The following DMD variants were observed in gnomAD, a reference collection of about 807,000 sequenced individuals.
DMD encodes mutant dystrophin.
DMD carries 63 observed loss-of-function variants against 330.1 expected under a neutral mutation model. The observed-to-expected ratio is 0.19, with a 90% confidence interval of 0.16 to 0.24. DMD has a LOEUF of 0.24. Among genes scored for constraint, DMD ranks in the 10% least tolerant of loss-of-function variants. DMD has a pLI of 1.00. For synonymous variants in DMD, 1,223 were observed against 959.8 expected (o/e 1.27, Z -5.07); for missense variants, 3,344 against 2,684.1 (o/e 1.25, Z -5.43).
intron 16 of DMD, among the ~76,000 whole-genome samples, chrX:32,555,858 A>C (rs1449504812): frequency 8.9e-6 from 1 of 112,132 alleles, no homozygotes; most frequent in Non-Finnish European, 1.9e-5. Context: ...ACCCCAAACA[A>C]TAAAAACCTT....
chrX:32,552,787 A>C (rs757049934), intron 16 of DMD, among the ~76,000 whole-genome samples: 2 of 112,190 alleles, frequency 1.8e-5, no homozygotes, highest in Non-Finnish European at 3.8e-5. Context: ...AAAAAGACAT[A>C]CATACAGAAA....
chrX:31,558,486 G>T (rs1292903132), intron 55 of DMD, among the ~76,000 whole-genome samples: 1 of 111,403 alleles, frequency 9.0e-6, no homozygotes. Context: ...CCCAAGAGAT[G>T]TTGAGGCTTC....
chrX:32,449,700 G>A (rs182444617), intron 26 of DMD, among the ~76,000 whole-genome samples: 3 of 108,982 alleles, frequency 2.8e-5, no homozygotes, highest in East Asian at 2.9e-4. Flanking sequence ...GGTGGTCTTC[G>A]GTTGGGAGAC....
At chrX:32,741,208 T>A (rs971797228) in intron 7 of DMD, among the ~76,000 whole-genome samples, 3 of 111,488 alleles carry the variant, frequency 2.7e-5, no homozygotes, top group African/African-American at 9.8e-5. Context: ...CCACTAAATG[T>A]ACTTCCATTT....
chrX:32,255,706 G>A (rs1271398138), intron 43 of DMD, among the ~76,000 whole-genome samples: 1 of 112,294 alleles, frequency 8.9e-6, no homozygotes, highest in Non-Finnish European at 1.9e-5. Context: ...CATGGAAGTT[G>A]CAATCTCAAA....
chrX:31,148,708 T>G (rs1451172384), intron 74 of DMD, among the ~76,000 whole-genome samples: 1 of 112,055 alleles, frequency 8.9e-6, no homozygotes, highest in African/African-American at 3.2e-5. Flanking sequence ...GCCCACCTCC[T>G]CACCAAATAC....
chrX:33,170,188 C>A (rs148138918), intron 1 of DMD, among the ~76,000 whole-genome samples: 201 of 111,030 alleles, frequency 1.8e-3, no homozygotes, highest in African/African-American at 6.1e-3. Flanking sequence ...TCCATGAAGA[C>A]GAGGGCTTTG....
chrX:32,441,439 C>A, intron 27 of DMD, 125 bp from the exon 28 acceptor site: 1 of 656,756 alleles, frequency 1.5e-6, no homozygotes, highest in South Asian at 2.8e-5. Context: ...TACTTTGTAG[C>A]AGGTAATTCA....
chrX:32,939,400 G>A (rs1185067310), intron 2 of DMD, among the ~76,000 whole-genome samples: 5 of 110,161 alleles, frequency 4.5e-5, no homozygotes, highest in Non-Finnish European at 9.5e-5. Context: ...CAACCACCTT[G>A]CAATAAAAAA....
At chrX:31,869,959 C>T (rs891473957) in intron 48 of DMD, among the ~76,000 whole-genome samples, 2 of 111,405 alleles carry the variant, frequency 1.8e-5, no homozygotes, top group Admixed American at 1.9e-4. Flanking sequence ...CATTAATCTT[C>T]GTCTTCCTTC....
chrX:31,429,513 G>C (rs1243727356), intron 60 of DMD, among the ~76,000 whole-genome samples: 1 of 112,053 alleles, frequency 8.9e-6, no homozygotes, highest in Admixed American at 9.5e-5. Context: ...GCTTAGATTT[G>C]TGGCTTCTTC....
chrX:33,021,794 T>C (rs886100109), intron 1 of DMD, among the ~76,000 whole-genome samples: 6 of 111,831 alleles, frequency 5.4e-5, no homozygotes, highest in African/African-American at 9.7e-5. Flanking sequence ...TATATGTATG[T>C]TCAATATCAA....
At chrX:31,619,237 G>C (rs1349209766) in intron 55 of DMD, among the ~76,000 whole-genome samples, 1 of 111,195 alleles carries the variant, frequency 9.0e-6, no homozygotes, top group African/African-American at 3.3e-5. Context: ...ATTTTAACAA[G>C]TAGCAATAGA....
At chrX:32,196,999 A>AAC (rs1359526184) in intron 44 of DMD, among the ~76,000 whole-genome samples, 2 of 103,753 alleles carry the variant, frequency 1.9e-5, no homozygotes, top group Non-Finnish European at 3.9e-5. Context: ...AAAAAAAAAA[A>AAC]AAAAAACAAA....
chrX:31,762,217 C>T (rs1159466269), intron 51 of DMD, among the ~76,000 whole-genome samples: 1 of 112,062 alleles, frequency 8.9e-6, no homozygotes, highest in Non-Finnish European at 1.9e-5. Context: ...ATTTTCCCTT[C>T]TTCCATTTTA....
intron 62 of DMD, among the ~76,000 whole-genome samples, chrX:31,280,951 A>C (rs2052566667): frequency 8.9e-6 from 1 of 111,921 alleles, no homozygotes; most frequent in African/African-American, 3.2e-5. Context: ...TCGATTACAA[A>C]AGTTTCTTTA....
chrX:31,285,267 G>T (rs749009333), intron 62 of DMD, among the ~76,000 whole-genome samples: 2 of 112,177 alleles, frequency 1.8e-5, no homozygotes, highest in South Asian at 7.4e-4. Context: ...TGAAAGCAAT[G>T]ATATAATAAG....
chrX:32,082,419 T>TCTATCTAC (rs2096399895), intron 44 of DMD, among the ~76,000 whole-genome samples: 1 of 108,778 alleles, frequency 9.2e-6, no homozygotes, highest in Non-Finnish European at 1.9e-5. Context: ...TATCTATCTA[T>TCTATCTAC]CTATCTATCT....
intron 43 of DMD, among the ~76,000 whole-genome samples, chrX:32,265,150 A>G (rs1385829092): frequency 9.0e-6 from 1 of 111,696 alleles, no homozygotes; most frequent in Non-Finnish European, 1.9e-5. Flanking sequence ...GGAAGGCAAA[A>G]TGGTTTCCTG....
Sources: gnomAD v4.1 joint callset for allele counts (sites outside exome capture counted in the v4.1 genomes callset) on GRCh38, gnomAD v4.1.1 for gene constraint, MANE v1.5 for transcripts, NCBI Gene and HGNC (gene_info 2026-07-23, HGNC 2026-07-21) for gene names.